The following PUDP variants were observed in gnomAD, a reference collection of about 807,000 sequenced individuals.
PUDP encodes pseudouridine-5'-phosphatase.
In PUDP, 8 loss-of-function variants were observed where a neutral mutation model predicts 9.4. The observed-to-expected ratio is 0.85, with a 90% CI of 0.50 to 1.53. The LOEUF is 1.53. Among genes scored for constraint, PUDP ranks in the 40% most tolerant of loss-of-function variants. PUDP has a pLI of 0.00. For synonymous variants in PUDP, 99 were observed against 80.7 expected (o/e 1.23, Z -1.22); for missense variants, 188 against 189.7 (o/e 0.99, Z 0.05).
chrX:6,994,244 C>A (rs1929222171), intron 1 of PUDP, among the ~76,000 whole-genome samples: 1 of 110,407 alleles, frequency 9.1e-6, no homozygotes, highest in Non-Finnish European at 1.9e-5. Context: ...GAGACCCTGT[C>A]TCCTCATAAA....
chrX:6,901,771 G>A (rs1283477434), intron 3 of PUDP, among the ~76,000 whole-genome samples: 1 of 112,938 alleles, frequency 8.9e-6, no homozygotes, highest in Non-Finnish European at 1.9e-5. Flanking sequence ...GGAGACATGT[G>A]CAATATACAA....
intron 1 of PUDP, among the ~76,000 whole-genome samples, chrX:6,716,876 C>A (rs142840956): frequency 0.015 from 1,719 of 111,207 alleles, 16 homozygotes; most frequent in Non-Finnish European, 0.023. Flanking sequence ...TCAAGTGATC[C>A]TCCCACTTCA....
At chrX:6,767,644 G>A (rs1016581681) in intron 3 of PUDP, among the ~76,000 whole-genome samples, 7 of 112,120 alleles carry the variant, frequency 6.2e-5, no homozygotes, top group Admixed American at 3.8e-4. Context: ...CAGGTCTGGA[G>A]TATGTTAGAA....
intron 3 of PUDP, among the ~76,000 whole-genome samples, chrX:6,904,590 G>A (rs1375158562): frequency 8.9e-6 from 1 of 111,805 alleles, no homozygotes; most frequent in Non-Finnish European, 1.9e-5. Flanking sequence ...AGTCCAACTG[G>A]TACTGGAAAT....
chrX:6,972,968 C>A lies in PUDP; in HGVS notation c.*247+4165G>T, dbSNP rs1027643618. 2.7e-5 allele frequency among the ~76,000 whole-genome samples: 3 copies of A among 112,026 alleles called. No homozygotes were observed. The Admixed American group carries it at 2.8e-4, about 11-fold the overall frequency. ...TATGTGTCCAGGAATTTATCCATTT[C>A]TTCTAGATTTTCTAGATTATTTGCA... On this transcript the variant is annotated intron_variant and NMD_transcript_variant, in intron 3 of 3. Transcript: ENST00000655425.
intron 2 of PUDP, among the ~76,000 whole-genome samples, chrX:7,103,903 G>A (rs750512107): frequency 3.6e-5 from 4 of 112,229 alleles, no homozygotes; most frequent in Admixed American, 1.9e-4. Context: ...AATGGCAAGA[G>A]TTGATGAGAA....
intron 3 of PUDP, among the ~76,000 whole-genome samples, chrX:6,795,903 C>T (rs1274712027): frequency 3.6e-5 from 4 of 111,992 alleles, no homozygotes; most frequent in Non-Finnish European, 5.6e-5. Context: ...TTCCAGAGAA[C>T]GGGGTGAGAA....
At chrX:6,800,474 G>A (rs1160833297) in intron 3 of PUDP, among the ~76,000 whole-genome samples, 1 of 111,816 alleles carries the variant, frequency 8.9e-6, no homozygotes, top group Admixed American at 9.5e-5. Flanking sequence ...GCTCTAGATA[G>A]AAATCTAAAG....
Position 6,876,692 on chromosome X carries a change from CAT to C in PUDP, c.*247+100439_*247+100440del, listed in dbSNP as rs751016514. 6.9e-5 allele frequency among the ~76,000 whole-genome samples: 7 copies of C among 100,968 alleles called. No individual in the cohort carries two copies. In the East Asian group the frequency reaches 9.9e-4, roughly 14 times the overall value. The allele number at this position is 100,968 out of a possible 115,157, so 87.7% of individuals were successfully genotyped here. ...GTGTGTTTGTGTACACACATATGTA[CAT>C]ATATGTGTCTATACATATATGTCTA... On this transcript the variant is annotated intron_variant and NMD_transcript_variant, in intron 3 of 3. Coordinates refer to the PUDP transcript ENST00000655425.
intron 3 of PUDP, among the ~76,000 whole-genome samples, chrX:7,054,530 C>G (rs779895769): frequency 8.9e-6 from 1 of 112,250 alleles, no homozygotes; most frequent in South Asian, 3.7e-4. Flanking sequence ...TGAGGGGAAA[C>G]CTAGGAAGAC....
intron 3 of PUDP, among the ~76,000 whole-genome samples, chrX:6,773,689 C>G: frequency 9.0e-6 from 1 of 110,849 alleles, no homozygotes; most frequent in Admixed American, 9.6e-5. Context: ...AGGTTTCCAT[C>G]AGACATGCCC....
intron 3 of PUDP, among the ~76,000 whole-genome samples, chrX:6,814,036 A>G (rs1926187419): frequency 9.0e-6 from 1 of 110,760 alleles, no homozygotes; most frequent in South Asian, 3.9e-4. Context: ...CACCACGGAC[A>G]GCTCCAAGAC....
chrX:6,934,357 C>T (rs1469431350), intron 3 of PUDP, among the ~76,000 whole-genome samples: 6 of 105,976 alleles, frequency 5.7e-5, no homozygotes, highest in Non-Finnish European at 1.2e-4. Context: ...AATTTTCAAC[C>T]CAGAATTTCA....
chrX:6,923,524 T>C (rs1227181682), intron 3 of PUDP, among the ~76,000 whole-genome samples: 1 of 111,971 alleles, frequency 8.9e-6, no homozygotes, highest in Non-Finnish European at 1.9e-5. Context: ...GGCAGAAATC[T>C]GCTTGTGATC....
chrX:7,046,194 A>T (rs1332462295), downstream of PUDP, among the ~76,000 whole-genome samples: 2 of 112,262 alleles, frequency 1.8e-5, no homozygotes, highest in Admixed American at 1.9e-4. Flanking sequence ...ATGTGTCTGT[A>T]TTTGGAGCTA....
At chrX:6,808,972 T>A (rs186747124) in intron 3 of PUDP, among the ~76,000 whole-genome samples, 31 of 111,718 alleles carry the variant, frequency 2.8e-4, no homozygotes, top group African/African-American at 9.7e-4. Flanking sequence ...AACAAGTCCT[T>A]GTATGTTGAG....
chrX:6,732,371 T>C (rs1924819490), intron 3 of PUDP, among the ~76,000 whole-genome samples: 1 of 111,629 alleles, frequency 9.0e-6, no homozygotes, highest in Non-Finnish European at 1.9e-5. Context: ...AACCACTGTT[T>C]TCCCTGACAA....
chrX:6,948,642 G>T (rs1224861412), intron 3 of PUDP, among the ~76,000 whole-genome samples: 1 of 111,950 alleles, frequency 8.9e-6, no homozygotes, highest in Non-Finnish European at 1.9e-5. Context: ...TAAGGTTTTA[G>T]ATGATGCTAA....
At chrX:7,143,067 C>T (rs986092215) in intron 1 of PUDP, among the ~76,000 whole-genome samples, 1 of 111,552 alleles carries the variant, frequency 9.0e-6, no homozygotes, top group Non-Finnish European at 1.9e-5. Context: ...CTCTGGTCAA[C>T]AGTCAATATC....
Sources: gnomAD v4.1 joint callset for allele counts (sites outside exome capture counted in the v4.1 genomes callset) on GRCh38, gnomAD v4.1.1 for gene constraint, MANE v1.5 for transcripts, NCBI Gene and HGNC (gene_info 2026-07-23, HGNC 2026-07-21) for gene names.